Variants in MTCH2 observed in about 807,000 individuals in gnomAD.
MTCH2 encodes mitochondrial carrier 2.
In MTCH2, 25 loss-of-function variants were observed where a neutral mutation model predicts 50.6. That is an observed-to-expected ratio of 0.49 (90% confidence interval 0.36 to 0.69). The LOEUF (loss-of-function observed/expected upper bound fraction) is 0.69. MTCH2 is among the 30% of genes least tolerant of loss of function. The probability of loss-of-function intolerance (pLI) is 0.00; values close to 1 mark genes in which losing one functional copy is unlikely to be tolerated. For missense variants in MTCH2, 273 were observed against 384.4 expected (o/e 0.71, Z 2.42); for synonymous variants, 106 against 132.0 (o/e 0.80, Z 1.35).
Position 47,618,595 on chromosome 11 carries a change from G to A in MTCH2, c.*238C>T. On this transcript the variant is annotated 3_prime_UTR_variant, in exon 13 of 13. Coordinates refer to ENST00000302503, the MANE Select transcript of MTCH2 (RefSeq NM_014342.4). ...ACAACTTTTTTTCCCTTCTGGTTAAGTAAAATAAGAATTTGGAGCAAAAAT... is the reference window on the plus strand; with the variant it reads ...ACAACTTTTTTTCCCTTCTGGTTAAATAAAATAAGAATTTGGAGCAAAAAT... 1 of 476,542 alleles carries A rather than the reference G, an allele frequency of 2.1e-6. No individual in the cohort carries two copies. The highest frequency in any genetic ancestry group is 5.8e-4 in the Middle Eastern group (1 of 1,720). 29.5% of individuals were successfully genotyped at this position (476,542 alleles called of 1,614,324 possible).
intron 1 of MTCH2, 61 bp downstream of exon 1, chr11:47,642,318 C>A: frequency 7.2e-7 from 1 of 1,394,072 alleles, no homozygotes; most frequent in South Asian, 1.3e-5. Flanking sequence ...TCCTCAGGCG[C>A]CCTGAGCAGC....
At chr11:47,606,390 T>A in the MTCH2 span, among the ~76,000 whole-genome samples, 15 of 152,170 alleles carry the variant, frequency 9.9e-5, no homozygotes, top group African/African-American at 3.6e-4. Context: ...CAATATCTTT[T>A]ATTGTCTGCA....
At chr11:47,611,351 T>C in the MTCH2 span, among the ~76,000 whole-genome samples, 1 of 152,262 alleles carries the variant, frequency 6.6e-6, no homozygotes, top group Non-Finnish European at 1.5e-5. Flanking sequence ...CTCTGTCTTT[T>C]TTCCAGCCAA....
At chr11:47,619,841 C>T (rs1181620176) in intron 12 of MTCH2, among the ~76,000 whole-genome samples, 1 of 152,078 alleles carries the variant, frequency 6.6e-6, no homozygotes, top group Admixed American at 6.6e-5. Context: ...CTTTGGGAGG[C>T]TGAGGCAGGC....
At position 47,631,704 on chromosome 11, in the gene MTCH2, C is replaced by A; in HGVS notation, c.377G>T (p.Arg126Leu). The A allele has an allele frequency of 1.2e-6, 2 of 1,613,878 alleles. No individual in the cohort carries two copies. Among genetic ancestry groups the A allele is most frequent in the Non-Finnish European group, 1.7e-6 (2 of 1,179,950 alleles). Residue 126 changes from arginine to leucine, a missense_variant, in exon 6 of 13, where the codon CGA becomes CTA. Physicochemically the swap from Arg to Leu is moderately radical, Grantham distance 102. This residue lies in a region of MTCH2 where 203 missense variants were observed against 244.3 expected (regional missense o/e 0.83). Transcript: ENST00000302503. Reference sequence around the variant, plus strand: ...AGCAGCAGAACGAGCGATCATCTCTCGAGTTGTCTAGAAACAATCAACACA... The same window carrying A: ...AGCAGCAGAACGAGCGATCATCTCTAGAGTTGTCTAGAAACAATCAACACA... ...SFDHVIKETT[R>L]EMIARSAATL... is the part of the protein sequence containing the mutation.
chr11:47,642,316 C>G, intron 1 of MTCH2, 63 bp downstream of exon 1: 2 of 1,369,542 alleles, frequency 1.5e-6, no homozygotes, highest in Non-Finnish European at 2.0e-6. Context: ...GATCCTCAGG[C>G]GCCCTGAGCA....
the MTCH2 span, among the ~76,000 whole-genome samples, chr11:47,604,505 T>C: frequency 6.6e-6 from 1 of 152,304 alleles, no homozygotes; most frequent in Admixed American, 6.5e-5. Context: ...AGAGATGTTT[T>C]TCAGATACAT....
At chr11:47,630,253 C>A (rs747266043) in intron 8 of MTCH2, among the ~76,000 whole-genome samples, 1 of 152,128 alleles carries the variant, frequency 6.6e-6, no homozygotes, top group African/African-American at 2.4e-5. Context: ...GTGATCCAAC[C>A]GCCTTGGCCT....
intron 8 of MTCH2, 99 bp downstream of exon 8, chr11:47,630,456 T>C: frequency 3.7e-6 from 4 of 1,072,084 alleles, no homozygotes; most frequent in Non-Finnish European, 4.3e-6. Context: ...GCCCAGGGAG[T>C]ACGTTTTCCC....
chr11:47,642,078 C>T (rs1254924449), intron 1 of MTCH2, among the ~76,000 whole-genome samples: 1 of 152,140 alleles, frequency 6.6e-6, no homozygotes, highest in East Asian at 1.9e-4. Context: ...CGGCCAGGAT[C>T]CACCTCAGTG....
At chr11:47,624,314 C>T (rs2097296074) in intron 11 of MTCH2, among the ~76,000 whole-genome samples, 1 of 151,592 alleles carries the variant, frequency 6.6e-6, no homozygotes, top group African/African-American at 2.4e-5. Flanking sequence ...ATGGAGTCTA[C>T]CACTATACCA....
chr11:47,619,464 C>T (rs1255175899), intron 12 of MTCH2, among the ~76,000 whole-genome samples: 1 of 152,034 alleles, frequency 6.6e-6, no homozygotes, highest in African/African-American at 2.4e-5. Context: ...AAACTCCTGA[C>T]CTCAAGTGAT....
chr11:47,638,649 A>AT, intron 3 of MTCH2, 50 bp downstream of exon 3: 2 of 1,249,736 alleles, frequency 1.6e-6, no homozygotes, highest in Non-Finnish European at 2.2e-6. Flanking sequence ...CAAACTATGC[A>AT]TAACAGGTAA....
rs762509350 is a variant in MTCH2, at chr11:47,618,381, T to C, written c.*452A>G. 1.8e-5 allele frequency: 4 copies of C among 219,490 alleles called. No homozygotes were observed. The highest frequency in any genetic ancestry group is 5.7e-5 in the Admixed American group (1 of 17,522). The allele number at this position is 219,490 out of a possible 1,614,324, so 13.6% of individuals were successfully genotyped here. ...ATAATGGGAGTCAGATTCTGGTGCA[T>C]GCTACTGACATTTTAGGGTCTACCC... is the stretch of plus-strand genomic sequence containing the variant. On this transcript the variant is annotated 3_prime_UTR_variant, in exon 13 of 13. Transcript: ENST00000302503.
chr11:47,630,696 A>G (rs2097302242), intron 7 of MTCH2, 82 bp from the exon 8 acceptor site: 3 of 1,313,620 alleles, frequency 2.3e-6, no homozygotes, highest in Admixed American at 1.8e-5. Context: ...ATCACATTGG[A>G]CAAGGTCAAA....
At chr11:47,614,152 C>A (rs1372045719), downstream of MTCH2, among the ~76,000 whole-genome samples, 1 of 151,304 alleles carries the variant, frequency 6.6e-6, no homozygotes, top group East Asian at 1.9e-4. Context: ...ATAGCCTCCA[C>A]GAAAGAATAA....
chr11:47,641,411 G>A (rs987618601), intron 1 of MTCH2, among the ~76,000 whole-genome samples: 2 of 152,164 alleles, frequency 1.3e-5, no homozygotes, highest in Admixed American at 1.3e-4. Flanking sequence ...AATAAGAAAT[G>A]GGGCCCTCTC....
At chr11:47,607,554 G>A in the MTCH2 span, among the ~76,000 whole-genome samples, 1 of 152,128 alleles carries the variant, frequency 6.6e-6, no homozygotes, top group South Asian at 2.1e-4. Flanking sequence ...CCTGGCTAGC[G>A]TCTCCCAGAC....
At chr11:47,606,674 T>C in the MTCH2 span, among the ~76,000 whole-genome samples, 6 of 152,240 alleles carry the variant, frequency 3.9e-5, no homozygotes, top group African/African-American at 1.4e-4. Flanking sequence ...GATTATTTAT[T>C]TATCCAATCA....
Sources: allele counts gnomAD v4.1 joint callset (sites outside exome capture counted in the v4.1 genomes callset), GRCh38; gene constraint gnomAD v4.1.1; regional missense constraint gnomAD v4.1.1; transcripts MANE v1.5; gene names NCBI Gene and HGNC (gene_info 2026-07-23, HGNC 2026-07-21).